Variants in NRCAM observed in about 807,000 individuals in gnomAD.
NRCAM encodes NgCAM-related cell adhesion molecule.
A neutral mutation model predicts 156.5 loss-of-function variants in NRCAM; 83 were observed. The ratio of observed to expected loss-of-function variants is 0.53; its 90% CI spans 0.44 to 0.64. The LOEUF is 0.64. NRCAM is among the 30% of genes least tolerant of loss of function. NRCAM has a pLI of 0.00. For synonymous variants in NRCAM, 538 were observed against 563.9 expected (o/e 0.95, Z 0.65); for missense variants, 1,417 against 1,597.3 (o/e 0.89, Z 1.92).
Position 108,168,264 on chromosome 7 carries a change from A to G in NRCAM, c.3313+13T>C, listed in dbSNP as rs1244468884. The G allele has an allele frequency of 1.1e-5, 17 of 1,490,410 alleles. No homozygotes were observed. The highest frequency in any genetic ancestry group is 1.3e-5 in the Non-Finnish European group (15 of 1,121,948). The allele number at this position is 1,490,410 out of a possible 1,614,324, so 92.3% of individuals were successfully genotyped here. ...CCCCAAATTAAAAATCGGGTAATGA[A>G]ATTGTTTCTTACTGCCTGCTACACC... On this transcript the variant is annotated intron_variant, in intron 29 of 32. Transcript: ENST00000379028.
chr7:108,174,947 T>C (rs1313754403), intron 28 of NRCAM, among the ~76,000 whole-genome samples: 1 of 152,234 alleles, frequency 6.6e-6, no homozygotes, highest in Non-Finnish European at 1.5e-5. Context: ...GTTGATCTGA[T>C]TTCTACCAGG....
At chr7:108,240,192 A>G in intron 3 of NRCAM, 22 bp from the exon 4 acceptor site, 1 of 594,428 alleles carries the variant, frequency 1.7e-6, no homozygotes, top group South Asian at 2.0e-5. Context: ...TAGAGTAGGA[A>G]TAATAATTAT....
chr7:108,162,693 T>C (rs1399990444), intron 30 of NRCAM, among the ~76,000 whole-genome samples: 2 of 152,234 alleles, frequency 1.3e-5, no homozygotes, highest in East Asian at 3.9e-4. Context: ...ACTTTGAATT[T>C]CTGCCTCTGT....
chr7:108,354,235 C>T (rs2099460466), intron 2 of NRCAM, among the ~76,000 whole-genome samples: 2 of 152,154 alleles, frequency 1.3e-5, no homozygotes, highest in Admixed American at 1.3e-4. Flanking sequence ...TAAAGCAATT[C>T]ACCATACAAA....
intron 5 of NRCAM, among the ~76,000 whole-genome samples, chr7:108,235,745 TCTCGTAG>T (rs2094904502): frequency 6.6e-6 from 1 of 152,122 alleles, no homozygotes; most frequent in Admixed American, 6.5e-5. Flanking sequence ...GATAGTGGTA[TCTCGTAG>T]ATAGAGGCCA....
chr7:108,190,465 A>G (rs2070573108), intron 19 of NRCAM, among the ~76,000 whole-genome samples: 1 of 152,172 alleles, frequency 6.6e-6, no homozygotes, highest in Middle Eastern at 3.2e-3. Context: ...CAGAGACCAT[A>G]CAAATATATG....
intron 4 of NRCAM, among the ~76,000 whole-genome samples, chr7:108,238,942 T>A (rs1028332763): frequency 6.6e-6 from 1 of 151,742 alleles, no homozygotes; most frequent in Non-Finnish European, 1.5e-5. Context: ...ATAATAATAA[T>A]AATAAATAAA....
At chr7:108,282,686 G>C (rs2097904875) in intron 3 of NRCAM, among the ~76,000 whole-genome samples, 1 of 150,534 alleles carries the variant, frequency 6.6e-6, no homozygotes, top group African/African-American at 2.5e-5. Flanking sequence ...GTCATCCTTT[G>C]CGGATTGTTC....
At position 108,147,961 on chromosome 7, in the gene NRCAM, G is replaced by A. The variant is rs1461984413; in HGVS notation, c.*1949C>T. The A allele has an allele frequency of 6.6e-6, 1 of 152,580 alleles. No individual in the cohort carries two copies. The highest frequency in any genetic ancestry group is 1.9e-4 in the East Asian group (1 of 5,196). The allele number at this position is 152,580 out of a possible 1,614,324, so 9.5% of individuals were successfully genotyped here. ...AATCTTTGTGCTCTCTGATGCCAAG[G>A]CAAACCTGTTTTGTCTTTTTATATT... On this transcript the variant is annotated 3_prime_UTR_variant, in exon 33 of 33. Transcript: ENST00000379028.
chr7:108,198,215 T>G, intron 13 of NRCAM, 116 bp from the exon 14 acceptor site: 1 of 716,354 alleles, frequency 1.4e-6, no homozygotes, highest in Non-Finnish European at 2.1e-6. Context: ...GCAGTAAGAA[T>G]AAGACTAGAA....
intron 2 of NRCAM, among the ~76,000 whole-genome samples, chr7:108,385,086 G>A (rs1214609787): frequency 6.6e-6 from 1 of 152,226 alleles, no homozygotes. Flanking sequence ...CTGATCCTAA[G>A]CAAGTGCTTT....
chr7:108,357,393 G>T (rs2099512442), intron 2 of NRCAM, among the ~76,000 whole-genome samples: 1 of 150,382 alleles, frequency 6.6e-6, no homozygotes, highest in Admixed American at 6.6e-5. Context: ...GGGTGCAATG[G>T]CACGATCTCA....
chr7:108,417,969 A>G (rs1471669552), intron 1 of NRCAM, among the ~76,000 whole-genome samples: 1 of 152,206 alleles, frequency 6.6e-6, no homozygotes, highest in Non-Finnish European at 1.5e-5. Context: ...TTTAGCACTG[A>G]AAGTTGCTAT....
chr7:108,314,946 C>T (rs975724305), intron 2 of NRCAM, among the ~76,000 whole-genome samples: 10 of 152,114 alleles, frequency 6.6e-5, no homozygotes, highest in African/African-American at 2.4e-4. Flanking sequence ...TAAAAACTGG[C>T]CTCCTTAACA....
intron 2 of NRCAM, among the ~76,000 whole-genome samples, chr7:108,346,537 T>C (rs2099355699): frequency 6.6e-6 from 1 of 152,200 alleles, no homozygotes; most frequent in Non-Finnish European, 1.5e-5. Context: ...AAAATAATAA[T>C]ATACAGGTTT....
intron 13 of NRCAM, among the ~76,000 whole-genome samples, chr7:108,201,181 A>G (rs1563410334): frequency 6.6e-6 from 1 of 151,662 alleles, no homozygotes; most frequent in African/African-American, 2.4e-5. Flanking sequence ...GTCGGTAAAA[A>G]AAAAAAAAAA....
intron 1 of NRCAM, among the ~76,000 whole-genome samples, chr7:108,442,006 ATTG>A (rs1281844416): frequency 6.6e-6 from 1 of 152,232 alleles, no homozygotes; most frequent in African/African-American, 2.4e-5. Flanking sequence ...GGCAGGGATT[ATTG>A]TTATTTATTA....
rs1167703443 is a variant in NRCAM, at chr7:108,335,667, A to G, written c.-173-22936T>C. Among the ~76,000 whole-genome samples, 3 of 152,084 alleles carry G rather than the reference A, an allele frequency of 2.0e-5. No individual in the cohort carries two copies. In the East Asian group the frequency reaches 5.8e-4, roughly 29 times the overall value. ...AATTCCAGGGTACTGAAGTGAAAAA[A>G]TGCTTTTTATTGGATTTCAGATGTA... On this transcript the variant is annotated intron_variant, in intron 2 of 32. Coordinates refer to ENST00000379028, the MANE Select transcript of NRCAM (RefSeq NM_001037132.4).
intron 11 of NRCAM, among the ~76,000 whole-genome samples, chr7:108,216,724 T>G (rs756481539): frequency 9.9e-5 from 15 of 152,228 alleles, no homozygotes; most frequent in Non-Finnish European, 2.1e-4. Context: ...TACTTGTGTA[T>G]GCGTCACGAA....
Sources: allele counts gnomAD v4.1 joint callset (sites outside exome capture counted in the v4.1 genomes callset), GRCh38; gene constraint gnomAD v4.1.1; transcripts MANE v1.5; gene names NCBI Gene and HGNC (gene_info 2026-07-23, HGNC 2026-07-21).